The following PDE10A variants were observed in gnomAD, a reference collection of about 807,000 sequenced individuals.
PDE10A encodes the protein cAMP and cAMP-inhibited cGMP 3',5'-cyclic phosphodiesterase 10A.
Under a neutral mutation model 97.7 loss-of-function variants are expected in PDE10A, and 39 were observed. The observed-to-expected ratio is 0.40, with a 90% CI of 0.31 to 0.52. PDE10A has a LOEUF of 0.52. Ranked by LOEUF, PDE10A falls within the 20% of genes least tolerant of loss-of-function variation. The probability of loss-of-function intolerance (pLI) is 0.56; values close to 1 mark genes in which losing one functional copy is unlikely to be tolerated. For missense variants in PDE10A, 731 were observed against 1,047.8 expected (o/e 0.70, Z 4.17); for synonymous variants, 371 against 376.8 (o/e 0.98, Z 0.18).
At chr6:165,395,137 T>A in intron 15 of PDE10A, 44 bp downstream of exon 15, 1 of 1,219,262 alleles carries the variant, frequency 8.2e-7, no homozygotes, top group Non-Finnish European at 1.2e-6. Flanking sequence ...GAAGAGGTTA[T>A]GTCACCCAAT....
At chr6:165,677,426 A>G (rs1412182745) in intron 1 of PDE10A, among the ~76,000 whole-genome samples, 2 of 152,170 alleles carry the variant, frequency 1.3e-5, no homozygotes, top group Admixed American at 6.5e-5. Flanking sequence ...TGAGCCCTCC[A>G]TATCCATGGA....
At chr6:165,916,055 C>A (rs1782595899) in intron 1 of PDE10A, among the ~76,000 whole-genome samples, 1 of 152,216 alleles carries the variant, frequency 6.6e-6, no homozygotes, top group South Asian at 2.1e-4. Context: ...TAAACAACAG[C>A]AATCAATGAG....
intron 1 of PDE10A, chr6:165,774,831 C>CTTTTTTTTTTTTTTTTTTTGTTTTT (rs5881660): frequency 9.3e-6 from 1 of 107,886 alleles, no homozygotes. Flanking sequence ...ACTTTTTTTT[C>CTTTTTTTTTTTTTTTTTTTGTTTTT]TTTTTTTTTT....
intron 1 of PDE10A, among the ~76,000 whole-genome samples, chr6:165,896,441 C>T (rs1343900333): frequency 6.6e-6 from 1 of 151,714 alleles, no homozygotes; most frequent in Non-Finnish European, 1.5e-5. Context: ...ACAACCTCCA[C>T]CTCCTGGGTT....
At chr6:165,610,878 T>C (rs2128401096) in intron 1 of PDE10A, among the ~76,000 whole-genome samples, 1 of 152,252 alleles carries the variant, frequency 6.6e-6, no homozygotes, top group South Asian at 2.1e-4. Context: ...CCATGTGACC[T>C]TTAGCAAGCA....
At chr6:165,792,127 T>C (rs1317011252) in intron 1 of PDE10A, among the ~76,000 whole-genome samples, 1 of 152,202 alleles carries the variant, frequency 6.6e-6, no homozygotes, top group Non-Finnish European at 1.5e-5. Flanking sequence ...TGCACCCGCA[T>C]TCCCACACCT....
At chr6:165,749,413 C>T (rs1360511148) in intron 1 of PDE10A, among the ~76,000 whole-genome samples, 6 of 148,114 alleles carry the variant, frequency 4.1e-5, no homozygotes, top group South Asian at 2.2e-4. Context: ...AACACCATCA[C>T]CATCATCACC....
chr6:165,730,732 G>C (rs1296436977), intron 1 of PDE10A, among the ~76,000 whole-genome samples: 1 of 136,020 alleles, frequency 7.4e-6, no homozygotes, highest in East Asian at 2.1e-4. Flanking sequence ...CAGCCTGGGC[G>C]ACAGAGTGAG....
At chr6:165,537,280 G>A (rs1466464775) in intron 2 of PDE10A, among the ~76,000 whole-genome samples, 1 of 151,958 alleles carries the variant, frequency 6.6e-6, no homozygotes, top group Middle Eastern at 3.2e-3. Flanking sequence ...CAGAGGCCGG[G>A]AACACCAGTG....
At chr6:165,691,238 C>CAT (rs1791288896) in intron 1 of PDE10A, among the ~76,000 whole-genome samples, 1 of 148,628 alleles carries the variant, frequency 6.7e-6, no homozygotes, top group Admixed American at 6.7e-5. Context: ...CACACACACA[C>CAT]ACAGAGTCAG....
intron 5 of PDE10A, among the ~76,000 whole-genome samples, chr6:165,444,302 T>G (rs1253885554): frequency 6.6e-6 from 1 of 152,222 alleles, no homozygotes; most frequent in Non-Finnish European, 1.5e-5. Context: ...TGAAGAATTC[T>G]TAGACAGAAA....
At chr6:165,972,022 A>C (rs920629461) in intron 1 of PDE10A, among the ~76,000 whole-genome samples, 2 of 152,180 alleles carry the variant, frequency 1.3e-5, no homozygotes, top group Non-Finnish European at 2.9e-5. Context: ...CAGAGGCTGC[A>C]GTCCAGCCTC....
chr6:165,809,555 A>C (rs6933510), intron 1 of PDE10A, among the ~76,000 whole-genome samples: 149,845 of 152,240 alleles, frequency 0.98, 73,787 homozygotes, highest in East Asian at 1. Context: ...CTTGATTGCC[A>C]ATTTGCCTCT....
intron 1 of PDE10A, among the ~76,000 whole-genome samples, chr6:165,678,373 T>G (rs1399183427): frequency 6.6e-6 from 1 of 151,508 alleles, no homozygotes; most frequent in African/African-American, 2.4e-5. Context: ...TACTTCCCTA[T>G]GATTCTTCCC....
chr6:165,654,248 T>C (rs1361428473), intron 1 of PDE10A, among the ~76,000 whole-genome samples: 7 of 152,186 alleles, frequency 4.6e-5, no homozygotes, highest in African/African-American at 7.2e-5. Flanking sequence ...ACGTTCCCAG[T>C]CACTCCCGTC....
chr6:165,510,334 G>T (rs1781438340), intron 2 of PDE10A, among the ~76,000 whole-genome samples: 1 of 151,882 alleles, frequency 6.6e-6, no homozygotes, highest in African/African-American at 2.4e-5. Flanking sequence ...CATGTATATT[G>T]GTTTGCATAT....
intron 1 of PDE10A, among the ~76,000 whole-genome samples, chr6:165,631,444 G>C (rs1012840767): frequency 6.6e-6 from 1 of 152,224 alleles, no homozygotes; most frequent in Non-Finnish European, 1.5e-5. Context: ...GAGAGTAGAG[G>C]TGGGGGCATC....
At chr6:165,399,509 G>A (rs888809073) in intron 13 of PDE10A, among the ~76,000 whole-genome samples, 2 of 152,048 alleles carry the variant, frequency 1.3e-5, no homozygotes, top group African/African-American at 4.8e-5. Flanking sequence ...GTATACATGT[G>A]CCATGTTGGT....
rs1781240724 is a variant in PDE10A at position 165,329,794 on chromosome 6, G to C, written c.*3231C>G. 1 of 152,112 alleles carries C rather than the reference G, an allele frequency of 6.6e-6. No individual in the cohort carries two copies. Among genetic ancestry groups the C allele is most frequent in the African/African-American group, 2.4e-5 (1 of 41,422 alleles). The allele number at this position is 152,112 out of a possible 1,614,324, so 9.4% of individuals were successfully genotyped here. On this transcript the variant is annotated 3_prime_UTR_variant, in exon 22 of 22. Coordinates refer to ENST00000539869, the MANE Select transcript of PDE10A (RefSeq NM_001385079.1). Reference sequence around the variant, plus strand: ...ACCTGGGGCACCACTGTAAACATCTGTACCTTCCTTTTCCATTGAAGAGTC... The same window carrying C: ...ACCTGGGGCACCACTGTAAACATCTCTACCTTCCTTTTCCATTGAAGAGTC...
Sources: gnomAD v4.1 joint callset for allele counts (sites outside exome capture counted in the v4.1 genomes callset) on GRCh38, gnomAD v4.1.1 for gene constraint, MANE v1.5 for transcripts, NCBI Gene and HGNC (gene_info 2026-07-23, HGNC 2026-07-21) for gene names.